The following CCDC102A variants were observed in gnomAD, a reference collection of about 807,000 sequenced individuals.
CCDC102A encodes the protein coiled-coil domain-containing protein 102A.
A neutral mutation model predicts 55.5 loss-of-function variants in CCDC102A; 40 were observed. The ratio of observed to expected loss-of-function variants is 0.72; its 90% CI spans 0.56 to 0.94. The LOEUF (loss-of-function observed/expected upper bound fraction) is 0.94, where lower values mean the gene tolerates loss of function less well. Among genes scored for constraint, CCDC102A ranks in the 40% least tolerant of loss-of-function variants. The pLI, the probability that CCDC102A is intolerant of heterozygous loss-of-function variation, is 0.00. For synonymous variants in CCDC102A, 323 were observed against 339.0 expected (o/e 0.95, Z 0.52); for missense variants, 779 against 768.6 (o/e 1.01, Z -0.16).
rs1202887032 is a variant in CCDC102A at position 57,529,098 on chromosome 16, G to T, written c.80C>A (p.Pro27Gln). Reference sequence around the variant, plus strand: ...GGCAGGCCCCATGCGCTCCGGCGACGGGCTGCCCAGGATGGTCAGGAGGCT... The same window carrying T: ...GGCAGGCCCCATGCGCTCCGGCGACTGGCTGCCCAGGATGGTCAGGAGGCT... ...KGSLLTILGS[P>Q]SPERMGPADS... The change falls in exon 2 of 9, where the codon CCG (proline) becomes CAG (glutamine). Residue 27 changes from proline (P) to glutamine (Q), a missense_variant. Coordinates refer to ENST00000258214, the MANE Select transcript of CCDC102A (RefSeq NM_033212.4). This position sits in a 1 kb window ranked among gnomAD's most constrained non-coding sequence, Gnocchi z 4.1. The T allele has an allele frequency of 7.6e-6, 9 of 1,177,576 alleles. No individual in the cohort carries two copies. Among genetic ancestry groups the T allele is most frequent in the Non-Finnish European group, 8.4e-6 (8 of 953,036 alleles). The allele number at this position is 1,177,576 out of a possible 1,614,324, so 72.9% of individuals were successfully genotyped here.
chr16:57,536,309 T>C (rs1240372958), intron 1 of CCDC102A, among the ~76,000 whole-genome samples, 191 bp downstream of exon 1: 1 of 150,450 alleles, frequency 6.6e-6, no homozygotes, highest in Non-Finnish European at 1.5e-5. Context: ...TTCCGGGGGC[T>C]GAGGGAGGCC....
chr16:57,518,232 C>A lies in CCDC102A; in HGVS notation c.1084G>T (p.Glu362Ter). 6.2e-7 allele frequency: 1 copy of A among 1,611,874 alleles called. No homozygotes were observed. ...CCCAGTTTCTCTGTCTCCAGCCGCT[C>A]CCGGCGGCCCCACTCCGCAGCGTTT... The part of the protein sequence containing the change: ...AENAAEWGRR[E>*]RLETEKLGLE... The change falls in exon 6 of 9, where the codon GAG (glutamate) becomes TAG (stop). Residue 362 changes from glutamate (E) to a stop codon, truncating the protein, a stop_gained. Transcript: ENST00000258214. LOFTEE classifies it high-confidence loss of function.
rs760543448 is a variant in CCDC102A, at chr16:57,528,660, C to A, written c.518G>T (p.Gly173Val). The A allele has an allele frequency of 4.3e-6, 5 of 1,163,838 alleles. No individual in the cohort carries two copies. The highest frequency in any genetic ancestry group is 1.7e-5 in the African/African-American group (1 of 59,518). The allele number at this position is 1,163,838 out of a possible 1,614,324, so 72.1% of individuals were successfully genotyped here. The change falls in exon 2 of 9, where the codon GGC (glycine) becomes GTC (valine). Residue 173 changes from glycine (G) to valine (V), a missense_variant. By Grantham distance (109) the Gly-to-Val change is moderately radical. Transcript: ENST00000258214. The stretch of plus-strand genomic sequence containing the variant: ...CTCGCGCTCCGCTTCCGGCTCGGGG[C>A]CGTCGCGCGTCTGGTCGGCGACCCC... ...ARGVADQTRD[G>V]PEPEAEREPV...
intron 4 of CCDC102A, among the ~76,000 whole-genome samples, chr16:57,519,378 G>T (rs2032009691): frequency 6.6e-6 from 1 of 152,220 alleles, no homozygotes; most frequent in African/African-American, 2.4e-5. Context: ...CCACTGGAAA[G>T]CTAGCCTGGG....
chr16:57,512,283 A>G lies in CCDC102A; in HGVS notation c.*458T>C, dbSNP rs1187723508. 1.0e-5 allele frequency: 4 copies of G among 397,022 alleles called. No individual in the cohort carries two copies. Among genetic ancestry groups the G allele is most frequent in the African/African-American group, 4.1e-5 (2 of 48,578 alleles). The allele number at this position is 397,022 out of a possible 1,614,324, so 24.6% of individuals were successfully genotyped here. ...CCCACAACCCCCGCCCACATCTGCC[A>G]TACTTTCAGATGCCCCAAGAACTTG... On this transcript the variant is annotated 3_prime_UTR_variant, in exon 9 of 9. Transcript: ENST00000258214.
rs1555518812 is a variant in CCDC102A at position 57,512,529 on chromosome 16, C to CGTGT, written c.*208_*211dup. On this transcript the variant is annotated 3_prime_UTR_variant, in exon 9 of 9. Transcript: ENST00000258214. ...TTCTGGGTGTGCGCGCGCGCGCGCG[C>CGTGT]GTGTGTGTATATATATATATAAAAC... 8 of 475,902 alleles carry CGTGT rather than the reference C, an allele frequency of 1.7e-5. No homozygotes were observed. The highest frequency in any genetic ancestry group is 5.4e-4 in the Middle Eastern group (1 of 1,840). The allele number at this position is 475,902 out of a possible 1,614,324, so 29.5% of individuals were successfully genotyped here.
At position 57,532,123 on chromosome 16, in the gene CCDC102A, G is replaced by C. The variant is rs372915366; in HGVS notation, c.-147-2799C>G. 7.6e-4 allele frequency among the ~76,000 whole-genome samples: 116 copies of C among 152,258 alleles called. No individual in the cohort carries two copies. In the East Asian group the frequency reaches 0.015, roughly 19 times the overall value. The stretch of plus-strand genomic sequence containing the variant: ...TGTGTAGAAGGGGGGATGTGTGAGA[G>C]AGACCAGTGCTTCTTCATCAGGGTG... On this transcript the variant is annotated intron_variant, in intron 1 of 8. Coordinates refer to ENST00000258214, the MANE Select transcript of CCDC102A (RefSeq NM_033212.4).
intron 1 of CCDC102A, among the ~76,000 whole-genome samples, 152 bp downstream of exon 1, chr16:57,536,348 A>C (rs1250944686): frequency 6.6e-6 from 1 of 152,062 alleles, no homozygotes; most frequent in Non-Finnish European, 1.5e-5. Flanking sequence ...TTCTGCTCTG[A>C]GTTCGGGGGT....
At position 57,512,430 on chromosome 16, in the gene CCDC102A, C is replaced by T; in HGVS notation, c.*311G>A. The stretch of plus-strand genomic sequence containing the variant: ...CAACATGCCCAGCCCTGCATGAAGT[C>T]CTGGGTGGGTGAGGTCATCTGGACT... On this transcript the variant is annotated 3_prime_UTR_variant, in exon 9 of 9. Transcript: ENST00000258214. 1 of 404,024 alleles carries T rather than the reference C, an allele frequency of 2.5e-6. No individual in the cohort carries two copies. The highest frequency in any genetic ancestry group is 4.3e-5 in the Admixed American group (1 of 23,276). The allele number at this position is 404,024 out of a possible 1,614,324, so 25.0% of individuals were successfully genotyped here.
chr16:57,530,754 A>G (rs2032242204), intron 1 of CCDC102A, among the ~76,000 whole-genome samples: 1 of 151,726 alleles, frequency 6.6e-6, no homozygotes, highest in African/African-American at 2.4e-5. Flanking sequence ...ACCCCTGCTG[A>G]AGTGTCTCCT....
chr16:57,514,512 G>A (rs146421192), intron 8 of CCDC102A, among the ~76,000 whole-genome samples: 1,602 of 152,262 alleles, frequency 0.011, 10 homozygotes, highest in Non-Finnish European at 0.017. Flanking sequence ...ACTTTCTTAA[G>A]AATGGATCAG....
intron 1 of CCDC102A, among the ~76,000 whole-genome samples, chr16:57,536,019 G>C (rs1053607692): frequency 2.6e-5 from 4 of 152,202 alleles, no homozygotes; most frequent in African/African-American, 9.6e-5. Context: ...GACGGGCGGA[G>C]GGTGGAGGGG....
At chr16:57,532,769 C>T (rs1420990201) in intron 1 of CCDC102A, among the ~76,000 whole-genome samples, 1 of 152,092 alleles carries the variant, frequency 6.6e-6, no homozygotes, top group Non-Finnish European at 1.5e-5. Flanking sequence ...TTTTCCTGGC[C>T]TAGCTCCACA....
chr16:57,512,729 C>G lies in CCDC102A; in HGVS notation c.*12G>C. ...GTATGGGGCGGCCCATCCTGCCCAGCCACAGGAAGCTCTAGGCCACCTGGA... is the reference window on the plus strand; with the variant it reads ...GTATGGGGCGGCCCATCCTGCCCAGGCACAGGAAGCTCTAGGCCACCTGGA... On this transcript the variant is annotated 3_prime_UTR_variant, in exon 9 of 9. Coordinates refer to ENST00000258214, the MANE Select transcript of CCDC102A (RefSeq NM_033212.4). 2 of 1,611,944 alleles carry G rather than the reference C, an allele frequency of 1.2e-6. No individual in the cohort carries two copies. The highest frequency in any genetic ancestry group is 1.7e-6 in the Non-Finnish European group (2 of 1,178,740).
chr16:57,514,189 C>T (rs1433203994), intron 8 of CCDC102A, among the ~76,000 whole-genome samples: 2 of 152,088 alleles, frequency 1.3e-5, no homozygotes, highest in Non-Finnish European at 2.9e-5. Context: ...TATTATGTGC[C>T]AGGTGTTTTC....
intron 2 of CCDC102A, 64 bp from the exon 3 acceptor site, chr16:57,526,191 G>T: frequency 1.6e-6 from 2 of 1,226,814 alleles, no homozygotes; most frequent in Non-Finnish European, 2.2e-6. Flanking sequence ...TCTGAGATCA[G>T]CTTGATGGGT....
intron 8 of CCDC102A, 53 bp downstream of exon 8, chr16:57,515,288 G>C: frequency 5.2e-6 from 6 of 1,159,850 alleles, no homozygotes; most frequent in Middle Eastern, 1.9e-4. Context: ...CTGACCGGAG[G>C]GTTCCCTGGC....
In CCDC102A at chr16:57,512,704, G is replaced by A; in HGVS notation, c.*37C>T. 6.3e-7 allele frequency: 1 copy of A among 1,599,566 alleles called. No individual in the cohort carries two copies. On this transcript the variant is annotated 3_prime_UTR_variant, in exon 9 of 9. Transcript: ENST00000258214. ...GCTGGTTAGCCTGGACCCTGGGCAG[G>A]TATGGGGCGGCCCATCCTGCCCAGC... is the stretch of plus-strand genomic sequence containing the variant.
chr16:57,516,667 G>A lies in CCDC102A; in HGVS notation c.1249-204C>T. ...CTGGAGGTGCCTTCCAGGGAGGTGA[G>A]AAGGCTGGGTGGGTGGAACCTGTGG... On this transcript the variant is annotated intron_variant, in intron 6 of 8. Coordinates refer to ENST00000258214, the MANE Select transcript of CCDC102A (RefSeq NM_033212.4). This position sits in a 1 kb window ranked among gnomAD's most constrained non-coding sequence, Gnocchi z 4.4. 2 of 596,920 alleles carry A rather than the reference G, an allele frequency of 3.4e-6. No homozygotes were observed. The highest frequency in any genetic ancestry group is 6.0e-6 in the Non-Finnish European group (2 of 334,800). The allele number at this position is 596,920 out of a possible 1,614,324, so 37.0% of individuals were successfully genotyped here. A position where few individuals can be genotyped will look rare whatever the true frequency, so the allele number is the denominator to read the frequency against.
Sources: allele counts gnomAD v4.1 joint callset (sites outside exome capture counted in the v4.1 genomes callset), GRCh38; gene constraint gnomAD v4.1.1; non-coding constraint Gnocchi (gnomAD v3.1); transcripts MANE v1.5; gene names NCBI Gene and HGNC (gene_info 2026-07-23, HGNC 2026-07-21).